Variants in FGF1 observed in about 807,000 individuals in gnomAD.
FGF1 encodes fibroblast growth factor 1.
FGF1 carries 9 observed loss-of-function variants against 13.4 expected under a neutral mutation model. The ratio of observed to expected loss-of-function variants is 0.67; its 90% CI spans 0.40 to 1.17. The LOEUF is 1.17. Among genes scored for constraint, FGF1 ranks in the 50% most tolerant of loss-of-function variants. FGF1 has a pLI of 0.01. For missense variants in FGF1, 156 were observed against 192.7 expected (o/e 0.81, Z 1.13); for synonymous variants, 93 against 79.0 (o/e 1.18, Z -0.94).
chr5:142,627,963 C>T (rs1429924682), intron 1 of FGF1, among the ~76,000 whole-genome samples: 1 of 152,124 alleles, frequency 6.6e-6, no homozygotes, highest in Non-Finnish European at 1.5e-5. Flanking sequence ...TCTCATGGTC[C>T]TGTGACCACA....
intron 1 of FGF1, among the ~76,000 whole-genome samples, chr5:142,619,856 A>G (rs1406722670): frequency 6.6e-6 from 1 of 151,936 alleles, no homozygotes. Flanking sequence ...AAAACGAAAA[A>G]AAAACAAAAC....
chr5:142,680,871 A>C (rs1773584677), intron 1 of FGF1: 1 of 152,198 alleles, frequency 6.6e-6, no homozygotes, highest in Admixed American at 6.5e-5. Context: ...AGGCAACAGA[A>C]TTACCTAGGC....
intron 1 of FGF1, among the ~76,000 whole-genome samples, chr5:142,685,047 A>G (rs988987687): frequency 6.6e-6 from 1 of 152,184 alleles, no homozygotes; most frequent in African/African-American, 2.4e-5. Flanking sequence ...GGGTCTCTGA[A>G]AAGTGCGTAC....
intron 1 of FGF1, among the ~76,000 whole-genome samples, chr5:142,680,402 G>A (rs1478422704): frequency 2.6e-5 from 4 of 152,204 alleles, no homozygotes; most frequent in Non-Finnish European, 5.9e-5. Flanking sequence ...ACTGAAGAAT[G>A]AGAAAGGAGC....
At chr5:142,630,557 C>A (rs1305905072) in intron 1 of FGF1, among the ~76,000 whole-genome samples, 1 of 152,172 alleles carries the variant, frequency 6.6e-6, no homozygotes, top group East Asian at 1.9e-4. Context: ...AATCCAAACC[C>A]TTACCATGGC....
intron 2 of FGF1, among the ~76,000 whole-genome samples, chr5:142,606,034 CA>C (rs1275063324): frequency 3.6e-5 from 5 of 140,836 alleles, no homozygotes; most frequent in Non-Finnish European, 8.2e-5. Flanking sequence ...AACACATATT[CA>C]TCTACTAGGT....
chr5:142,626,657 C>A (rs183903601), intron 1 of FGF1: 193 of 152,358 alleles, frequency 1.3e-3, no homozygotes, highest in African/African-American at 4.4e-3. Context: ...AGTTCCTCCC[C>A]TGATGGCCTG....
At chr5:142,672,852 C>T (rs1771767769) in intron 1 of FGF1, among the ~76,000 whole-genome samples, 1 of 152,110 alleles carries the variant, frequency 6.6e-6, no homozygotes, top group South Asian at 2.1e-4. Flanking sequence ...GATAGTCAAG[C>T]CCTGGTTTAT....
intron 1 of FGF1, among the ~76,000 whole-genome samples, chr5:142,615,698 T>A (rs1010488064): frequency 4.6e-5 from 7 of 152,220 alleles, no homozygotes; most frequent in African/African-American, 1.7e-4. Flanking sequence ...TCATCATTTT[T>A]AATAAAACCA....
At chr5:142,605,815 G>T (rs917729817) in intron 2 of FGF1, among the ~76,000 whole-genome samples, 1 of 152,146 alleles carries the variant, frequency 6.6e-6, no homozygotes, top group Non-Finnish European at 1.5e-5. Context: ...TGAGCGGCTT[G>T]TGTAGCTGGC....
intron 1 of FGF1, among the ~76,000 whole-genome samples, chr5:142,621,539 A>G (rs907035917): frequency 6.6e-6 from 1 of 151,998 alleles, no homozygotes; most frequent in Non-Finnish European, 1.5e-5. Flanking sequence ...TCTTTCTTAA[A>G]ATTCACATAT....
chr5:142,596,654 A>C (rs1039297342), intron 3 of FGF1, among the ~76,000 whole-genome samples: 1 of 152,038 alleles, frequency 6.6e-6, no homozygotes, highest in East Asian at 1.9e-4. Flanking sequence ...CTGAGGTAGG[A>C]GGATTGCTCG....
At chr5:142,664,225 C>T (rs565036278) in intron 1 of FGF1, among the ~76,000 whole-genome samples, 2 of 152,292 alleles carry the variant, frequency 1.3e-5, no homozygotes, top group South Asian at 4.1e-4. Flanking sequence ...GCTGGCTGCC[C>T]ACCTGAAGGA....
At chr5:142,640,056 G>A (rs923755574) in intron 1 of FGF1, among the ~76,000 whole-genome samples, 2 of 151,900 alleles carry the variant, frequency 1.3e-5, no homozygotes, top group African/African-American at 4.9e-5. Context: ...CCAAGTATGA[G>A]TATTTTTGAT....
intron 1 of FGF1, among the ~76,000 whole-genome samples, chr5:142,630,279 C>T (rs975948487): frequency 1.3e-5 from 2 of 152,156 alleles, no homozygotes; most frequent in African/African-American, 4.8e-5. Flanking sequence ...GCTGTGTTAG[C>T]TGGCTGACTT....
chr5:142,601,000 G>T, intron 2 of FGF1, 195 bp from the exon 3 acceptor site: 3 of 625,698 alleles, frequency 4.8e-6, no homozygotes, highest in Non-Finnish European at 5.9e-6. Context: ...TGTCCATTGG[G>T]AATTACGTCC....
chr5:142,619,691 G>A (rs1761097451), intron 1 of FGF1, among the ~76,000 whole-genome samples: 1 of 152,010 alleles, frequency 6.6e-6, no homozygotes, highest in Non-Finnish European at 1.5e-5. Flanking sequence ...AAATTAGCCG[G>A]GCATGGTGGC....
At chr5:142,691,369 C>A (rs1330997963) in intron 2 of FGF1, among the ~76,000 whole-genome samples, 8 of 151,134 alleles carry the variant, frequency 5.3e-5, no homozygotes, top group African/African-American at 1.7e-4. Context: ...TTGCAGTGAG[C>A]CGAGATAGTG....
intron 1 of FGF1, among the ~76,000 whole-genome samples, chr5:142,651,123 C>T: frequency 6.6e-6 from 1 of 151,950 alleles, no homozygotes; most frequent in East Asian, 1.9e-4. Flanking sequence ...TGCCTGAGTA[C>T]CGAGAAGGGT....
Sources: allele counts gnomAD v4.1 joint callset (sites outside exome capture counted in the v4.1 genomes callset), GRCh38; gene constraint gnomAD v4.1.1; transcripts MANE v1.5; gene names NCBI Gene and HGNC (gene_info 2026-07-23, HGNC 2026-07-21).